SLC1A4: variants seen among roughly 807,000 people sequenced by gnomAD.
SLC1A4 encodes the protein neutral amino acid transporter A.
Under a neutral mutation model 37.7 loss-of-function variants are expected in SLC1A4, and 19 were observed. The observed-to-expected ratio is 0.50, with a 90% confidence interval of 0.35 to 0.74. The LOEUF is 0.74. SLC1A4 is among the 30% of genes least tolerant of loss of function. The pLI is 0.01. For synonymous variants in SLC1A4, 299 were observed against 309.8 expected (o/e 0.97, Z 0.37); for missense variants, 570 against 712.9 (o/e 0.80, Z 2.28).
chr2:65,013,851 T>C (rs138877848), intron 4 of SLC1A4, among the ~76,000 whole-genome samples: 85 of 152,236 alleles, frequency 5.6e-4, no homozygotes, highest in African/African-American at 1.8e-3. Flanking sequence ...AAACCCAGAG[T>C]CAGCCAACTT....
In SLC1A4 at chr2:65,021,081, C is replaced by T. The variant is rs747382408; in HGVS notation, c.1534C>T (p.His512Tyr). 2 of 1,614,258 alleles carry T rather than the reference C, an allele frequency of 1.2e-6. No individual in the cohort carries two copies. The highest frequency in any genetic ancestry group is 1.7e-5 in the Admixed American group (1 of 60,034). Residue 512 changes from histidine (H) to tyrosine (Y), a missense_variant, in exon 8 of 8, where the codon CAC (histidine) becomes TAC (tyrosine). His to Tyr is a moderately conservative substitution (Grantham distance 83). Transcript: ENST00000234256. ...GGAGGAGACATCGCCCCTGGTGACA[C>T]ACCAGAACCCCGCTGGCCCCGTGGC... is the stretch of plus-strand genomic sequence containing the variant. Reference protein sequence around the residue: ...SEEETSPLVTHQNPAGPVASA... With the variant: ...SEEETSPLVTYQNPAGPVASA...
chr2:65,006,108 A>C (rs1673661195), intron 3 of SLC1A4, among the ~76,000 whole-genome samples: 1 of 152,254 alleles, frequency 6.6e-6, no homozygotes, highest in African/African-American at 2.4e-5. Context: ...TGACTTCTCC[A>C]CTGGAAATAC....
rs555212127 is a variant in SLC1A4, at chr2:65,021,214, G to A, written c.*68G>A. 1.5e-6 allele frequency: 2 copies of A among 1,327,568 alleles called. No homozygotes were observed. Among genetic ancestry groups the A allele is most frequent in the African/African-American group, 2.9e-5 (2 of 69,054 alleles). The allele number at this position is 1,327,568 out of a possible 1,614,324, so 82.2% of individuals were successfully genotyped here. On this transcript the variant is annotated 3_prime_UTR_variant, in exon 8 of 8. Transcript: ENST00000234256. ...CCCTGTTCACCCAGCCGCCAGTCAT[G>A]GACACAGGGCACTGCCCTTGCCAAC...
Position 65,018,172 on chromosome 2 carries a change from T to C in SLC1A4, c.1136T>C (p.Met379Thr), listed in dbSNP as rs1674239697. 1.2e-6 allele frequency: 2 copies of C among 1,614,136 alleles called. No homozygotes were observed. Among genetic ancestry groups the C allele is most frequent in the Non-Finnish European group, 8.5e-7 (1 of 1,180,012 alleles). The part of the protein sequence containing the change: ...FILPIGATVN[M>T]DGAAIFQCVA... ...CTCCCCATCGGGGCCACCGTGAACA[T>C]GGACGGAGCAGCCATCTTCCAGTGT... Residue 379 changes from methionine (M) to threonine (T), a missense_variant, in exon 6 of 8, where the codon ATG becomes ACG. Transcript: ENST00000234256. The surrounding 1 kb of genome is among the most constrained non-coding windows in gnomAD (Gnocchi z 4.3).
At chr2:65,003,902 C>A (rs1244661095) in intron 2 of SLC1A4, 51 bp from the exon 3 acceptor site, 3 of 1,413,998 alleles carry the variant, frequency 2.1e-6, no homozygotes, top group Non-Finnish European at 3.0e-6. Flanking sequence ...TCCTCTAGGT[C>A]GGTCTTCACC....
chr2:64,993,923 T>C (rs1437037503), intron 1 of SLC1A4, among the ~76,000 whole-genome samples: 1 of 152,218 alleles, frequency 6.6e-6, no homozygotes, highest in African/African-American at 2.4e-5. Context: ...AATAGAGTGA[T>C]TGGGTTTTCC....
intron 2 of SLC1A4, among the ~76,000 whole-genome samples, chr2:65,002,067 G>A (rs1370863875): frequency 6.6e-6 from 1 of 152,116 alleles, no homozygotes; most frequent in Admixed American, 6.6e-5. Flanking sequence ...ATCACTTGAG[G>A]TCAGGAGTTC....
chr2:65,013,916 A>G (rs1351273428), intron 4 of SLC1A4, among the ~76,000 whole-genome samples: 1 of 152,228 alleles, frequency 6.6e-6, no homozygotes, highest in African/African-American at 2.4e-5. Flanking sequence ...GTAGGAGAAA[A>G]GTACCTATTC....
Position 64,990,182 on chromosome 2 carries a change from C to T in SLC1A4, c.527+12C>T, listed in dbSNP as rs1246726010. On this transcript the variant is annotated intron_variant, in intron 1 of 7. Coordinates refer to ENST00000234256, the MANE Select transcript of SLC1A4 (RefSeq NM_003038.5). ...CTCGACCTGGCCAGGTAACACTCTC[C>T]ACCTCTCCCAGGGCCCAGTGGGAGA... The T allele has an allele frequency of 2.5e-6, 4 of 1,581,864 alleles. No individual in the cohort carries two copies. The highest frequency in any genetic ancestry group is 2.3e-5 in the South Asian group (2 of 86,520).
intron 1 of SLC1A4, among the ~76,000 whole-genome samples, chr2:64,993,390 G>C (rs1673135388): frequency 6.6e-6 from 1 of 152,226 alleles, no homozygotes; most frequent in African/African-American, 2.4e-5. Flanking sequence ...AATTCAGAAT[G>C]TCATTGCTGA....
intron 3 of SLC1A4, among the ~76,000 whole-genome samples, chr2:65,008,819 T>C (rs1358830322): frequency 1.3e-5 from 2 of 152,174 alleles, no homozygotes; most frequent in African/African-American, 4.8e-5. Context: ...TTTACATATA[T>C]TAACATATTT....
At chr2:65,020,335 T>C (rs899379374) in intron 7 of SLC1A4, among the ~76,000 whole-genome samples, 3 of 152,226 alleles carry the variant, frequency 2.0e-5, no homozygotes, top group African/African-American at 7.2e-5. Context: ...GGCATCATCA[T>C]AGCTCACTGA....
At chr2:65,013,307 C>G (rs557829728) in intron 4 of SLC1A4, among the ~76,000 whole-genome samples, 1 of 152,346 alleles carries the variant, frequency 6.6e-6, no homozygotes, top group South Asian at 2.1e-4. Context: ...ACCGCAACCT[C>G]CGCCTCCCAG....
Position 65,016,553 on chromosome 2 carries a change from A to G in SLC1A4, c.914A>G (p.His305Arg), listed in dbSNP as rs1674144714. The change falls in exon 5 of 8, where the codon CAT (histidine) becomes CGT (arginine). Residue 305 changes from histidine (H) to arginine (R), a missense_variant. By Grantham distance (29) the His-to-Arg change is conservative. Transcript: ENST00000234256. ...TACATCTTCGCATCTATATTGGGCC[A>G]TGTTATTCATGGAGGAATTGTTCTG... ...GKYIFASILGHVIHGGIVLPL... is the reference protein window; with the variant it reads ...GKYIFASILGRVIHGGIVLPL... 1 of 1,614,050 alleles carries G rather than the reference A, an allele frequency of 6.2e-7. No homozygotes were observed. Among genetic ancestry groups the G allele is most frequent in the Non-Finnish European group, 8.5e-7 (1 of 1,180,008 alleles).
At chr2:65,003,084 T>C (rs1279294605) in intron 2 of SLC1A4, among the ~76,000 whole-genome samples, 2 of 152,190 alleles carry the variant, frequency 1.3e-5, no homozygotes, top group African/African-American at 4.8e-5. Flanking sequence ...TGGGGCTTTT[T>C]TTAGTGCCTG....
intron 3 of SLC1A4, among the ~76,000 whole-genome samples, chr2:65,007,755 A>G (rs1194030664): frequency 6.6e-6 from 1 of 152,240 alleles, no homozygotes; most frequent in African/African-American, 2.4e-5. Context: ...AATGTAATAC[A>G]TTAATATAAT....
Position 65,021,520 on chromosome 2 carries a change from C to T in SLC1A4, c.*374C>T, listed in dbSNP as rs981261827. On this transcript the variant is annotated 3_prime_UTR_variant, in exon 8 of 8. Transcript: ENST00000234256. ...TCACTCTCCCCGGTCAGCTCTGCAT[C>T]AGGTGTTTTCTGAGCAAACCAAGGG... 1.9e-4 allele frequency: 41 copies of T among 214,602 alleles called. No homozygotes were observed. Among genetic ancestry groups the T allele is most frequent in the African/African-American group, 9.0e-4 (39 of 43,420 alleles). The allele number at this position is 214,602 out of a possible 1,614,324, so 13.3% of individuals were successfully genotyped here.
At chr2:65,002,307 T>TAAATAAATAAATAAATAAA (rs1572951802) in intron 2 of SLC1A4, among the ~76,000 whole-genome samples, 8 of 57,634 alleles carry the variant, frequency 1.4e-4, no homozygotes, top group East Asian at 2.9e-3. Flanking sequence ...AAATAAATAA[T>TAAATAAATAAATAAATAAA]AAAATAAAGA....
intron 7 of SLC1A4, 99 bp from the exon 8 acceptor site, chr2:65,020,813 C>A: frequency 1.1e-6 from 1 of 897,496 alleles, no homozygotes; most frequent in South Asian, 1.5e-5. Flanking sequence ...GCAACAGGGC[C>A]CCTCACAATC....
Sources: allele counts gnomAD v4.1 joint callset (sites outside exome capture counted in the v4.1 genomes callset), GRCh38; gene constraint gnomAD v4.1.1; non-coding constraint Gnocchi (gnomAD v3.1); transcripts MANE v1.5; gene names NCBI Gene and HGNC (gene_info 2026-07-23, HGNC 2026-07-21).